The following IL1RAPL2 variants were observed in gnomAD, a reference collection of about 807,000 sequenced individuals.
IL1RAPL2 encodes the protein interleukin 1 receptor accessory protein like 2, also known as X-linked interleukin-1 receptor accessory protein-like 2.
Under a neutral mutation model 44.1 loss-of-function variants are expected in IL1RAPL2, and 3 were observed. The observed-to-expected ratio is 0.07, with a 90% CI of 0.03 to 0.18. IL1RAPL2 has a LOEUF of 0.18. Ranked by LOEUF, IL1RAPL2 falls within the 10% of genes least tolerant of loss-of-function variation. IL1RAPL2 has a pLI of 1.00. For missense variants in IL1RAPL2, 391 were observed against 496.4 expected, an observed-to-expected ratio of 0.79 and a Z score of 2.02; for synonymous variants, 181 against 178.8, an observed-to-expected ratio of 1.01 and a Z score of -0.10.
chrX:105,152,582 C>T (rs2041913270), intron 2 of IL1RAPL2, among the ~76,000 whole-genome samples: 1 of 112,084 alleles, frequency 8.9e-6, no homozygotes. Context: ...AAAGTCTAGT[C>T]AGAAAACTTT....
At chrX:105,525,974 T>C (rs148668843) in intron 6 of IL1RAPL2, among the ~76,000 whole-genome samples, 2,990 of 111,882 alleles carry the variant, frequency 0.027, 48 homozygotes, top group Non-Finnish European at 0.046. Flanking sequence ...AAAAGGTAGA[T>C]AATGTTTGTT....
intron 2 of IL1RAPL2, among the ~76,000 whole-genome samples, chrX:104,841,124 G>A (rs970208388): frequency 3.6e-5 from 4 of 111,859 alleles, no homozygotes; most frequent in African/African-American, 1.3e-4. Flanking sequence ...TTGCATTGAT[G>A]CCTTTACAAT....
chrX:105,373,305 G>A (rs2035358848), intron 5 of IL1RAPL2, among the ~76,000 whole-genome samples: 1 of 111,959 alleles, frequency 8.9e-6, no homozygotes, highest in African/African-American at 3.3e-5. Context: ...GTTGTTGGCT[G>A]CATGTATGTC....
chrX:105,234,481 T>A lies in IL1RAPL2; in HGVS notation c.543+477T>A, dbSNP rs12392084. 3.0e-3 allele frequency among the ~76,000 whole-genome samples: 339 copies of A among 111,757 alleles called. 3 individuals are homozygous for A. Among genetic ancestry groups the A allele is most frequent in the African/African-American group, 0.011 (329 of 30,729 alleles). On this transcript the variant is annotated intron_variant, in intron 4 of 10. Coordinates refer to ENST00000372582, the MANE Select transcript of IL1RAPL2 (RefSeq NM_017416.2). ...GTATAAACACTGCTAAGGTTAAGTT[T>A]AGCTGGAAATAAACCACACTCAAAG...
chrX:104,981,356 G>A (rs184743962), intron 2 of IL1RAPL2, among the ~76,000 whole-genome samples: 27 of 109,720 alleles, frequency 2.5e-4, no homozygotes, highest in African/African-American at 7.3e-4. Flanking sequence ...GAATGTTTAG[G>A]TTTGTGTTCT....
rs1170886004 is a variant in IL1RAPL2, at chrX:104,947,408, C to T, written c.83-248067C>T. Among the ~76,000 whole-genome samples, 3 of 96,333 alleles carry T rather than the reference C, an allele frequency of 3.1e-5. No homozygotes were observed. In the Admixed American group the frequency reaches 3.5e-4, roughly 11 times the overall value. The allele number at this position is 96,333 out of a possible 115,157, so 83.7% of individuals were successfully genotyped here. On this transcript the variant is annotated intron_variant, in intron 2 of 10. Coordinates refer to ENST00000372582, the MANE Select transcript of IL1RAPL2 (RefSeq NM_017416.2). ...GGTAGTTTCTTTTGCTGTGCAGAAG[C>T]TCTTTAGTTTAATTAGATCCCATTT...
At chrX:104,869,512 A>G (rs1377992897) in intron 2 of IL1RAPL2, among the ~76,000 whole-genome samples, 2 of 111,524 alleles carry the variant, frequency 1.8e-5, no homozygotes, top group African/African-American at 3.3e-5. Flanking sequence ...TCCCTGTATA[A>G]TTCTTTTTTT....
intron 1 of IL1RAPL2, among the ~76,000 whole-genome samples, chrX:104,633,688 T>C (rs1317935647): frequency 9.0e-6 from 1 of 111,608 alleles, no homozygotes; most frequent in Non-Finnish European, 1.9e-5. Context: ...GGTGGTGATA[T>C]CCCCTTTATC....
At chrX:104,896,203 C>T (rs1210199884) in intron 2 of IL1RAPL2, among the ~76,000 whole-genome samples, 1 of 112,147 alleles carries the variant, frequency 8.9e-6, no homozygotes, top group African/African-American at 3.2e-5. Context: ...TGCTATTACT[C>T]GCCTTCAGGC....
chrX:104,847,319 G>T (rs1246060339), intron 2 of IL1RAPL2, among the ~76,000 whole-genome samples: 1 of 111,843 alleles, frequency 8.9e-6, no homozygotes, highest in Non-Finnish European at 1.9e-5. Context: ...GGTTTTTATG[G>T]TTTTAGGTCT....
chrX:105,132,023 A>G (rs904926235), intron 2 of IL1RAPL2, among the ~76,000 whole-genome samples: 4 of 110,643 alleles, frequency 3.6e-5, no homozygotes, highest in Admixed American at 9.7e-5. Context: ...AATATGTCCT[A>G]TTCCTTTAAT....
intron 2 of IL1RAPL2, among the ~76,000 whole-genome samples, chrX:105,135,484 T>G (rs1569389649): frequency 8.9e-6 from 1 of 112,024 alleles, no homozygotes; most frequent in Non-Finnish European, 1.9e-5. Context: ...TAGGGAAAGC[T>G]TCATTTTGCA....
chrX:105,200,756 A>G (rs2147614756), intron 3 of IL1RAPL2, among the ~76,000 whole-genome samples: 1 of 111,314 alleles, frequency 9.0e-6, no homozygotes, highest in Non-Finnish European at 1.9e-5. Context: ...TACTAAAAAT[A>G]CAAAATTTCG....
At chrX:105,628,168 T>G (rs983274766) in intron 6 of IL1RAPL2, among the ~76,000 whole-genome samples, 2 of 111,430 alleles carry the variant, frequency 1.8e-5, no homozygotes, top group Admixed American at 1.9e-4. Context: ...ACCCATTTCA[T>G]TTTTTTTCTT....
chrX:104,913,062 A>G (rs773656918), intron 2 of IL1RAPL2, among the ~76,000 whole-genome samples: 163 of 111,980 alleles, frequency 1.5e-3, no homozygotes, highest in Non-Finnish European at 2.5e-3. Flanking sequence ...AAAAATCACT[A>G]TGAGGTAGAG....
chrX:105,042,972 G>A (rs1315780198), intron 2 of IL1RAPL2, among the ~76,000 whole-genome samples: 52 of 103,989 alleles, frequency 5.0e-4, no homozygotes, highest in Non-Finnish European at 8.2e-4. Context: ...GTAAACTATC[G>A]CAAGAACAAA....
At chrX:105,614,440 C>T (rs781765383) in intron 6 of IL1RAPL2, among the ~76,000 whole-genome samples, 1 of 111,790 alleles carries the variant, frequency 8.9e-6, no homozygotes, top group East Asian at 2.8e-4. Context: ...GTAATCAAAA[C>T]AGGATGGTAC....
rs1292780249 is a variant in IL1RAPL2 at position 104,570,161 on chromosome X, G to GT, written c.-20+3116dup. On this transcript the variant is annotated intron_variant, in intron 1 of 10. Transcript: ENST00000372582. ...AAACCTCGAGATGTAGACTAACAGGGTTTTTTCAAGGCTGGTTTCTAGCTG... is the reference window on the plus strand; with the variant it reads ...AAACCTCGAGATGTAGACTAACAGGGTTTTTTTCAAGGCTGGTTTCTAGCTG... Among the ~76,000 whole-genome samples the GT allele has an allele frequency of 1.3e-4, 15 of 111,773 alleles. 1 individual carries two copies. In the Admixed American group the frequency reaches 1.4e-3, roughly 11 times the overall value.
chrX:105,597,825 G>A (rs1291196806), intron 6 of IL1RAPL2, among the ~76,000 whole-genome samples: 4 of 111,683 alleles, frequency 3.6e-5, no homozygotes, highest in East Asian at 2.8e-4. Context: ...GTGAGGGTGT[G>A]GAGAAAAGGA....
Sources: allele counts gnomAD v4.1 joint callset (sites outside exome capture counted in the v4.1 genomes callset), GRCh38; gene constraint gnomAD v4.1.1; transcripts MANE v1.5; gene names NCBI Gene and HGNC (gene_info 2026-07-23, HGNC 2026-07-21).